The following APP variants were observed in gnomAD, a reference collection of about 807,000 sequenced individuals.
The protein encoded by APP is amyloid-beta precursor protein.
APP carries 31 observed loss-of-function variants against 101.4 expected under a neutral mutation model. That is an observed-to-expected ratio of 0.31 (90% CI 0.23 to 0.41). The LOEUF (loss-of-function observed/expected upper bound fraction) is 0.41. Among genes scored for constraint, APP ranks in the 10% least tolerant of loss-of-function variants. The pLI, the probability that APP is intolerant of heterozygous loss-of-function variation, is 1.00. For synonymous variants in APP, 366 were observed against 364.4 expected (o/e 1.00, Z -0.05); for missense variants, 839 against 1,003.7 (o/e 0.84, Z 2.22).
chr21:26,071,649 G>T (rs1216149409), intron 3 of APP, among the ~76,000 whole-genome samples: 2 of 152,270 alleles, frequency 1.3e-5, no homozygotes, highest in Non-Finnish European at 1.5e-5. Flanking sequence ...TTACAGTTAG[G>T]ATCTGCTGTG....
chr21:26,122,782 T>C (rs551994049), intron 1 of APP, among the ~76,000 whole-genome samples: 7 of 151,658 alleles, frequency 4.6e-5, no homozygotes, highest in Non-Finnish European at 1.0e-4. Context: ...AAATTTTTTA[T>C]TTTATTAAAA....
intron 11 of APP, among the ~76,000 whole-genome samples, chr21:25,966,259 C>G (rs1027963136): frequency 6.6e-6 from 1 of 152,202 alleles, no homozygotes; most frequent in Admixed American, 6.5e-5. Flanking sequence ...ATTTTGTTCA[C>G]TAAATGCTAA....
intron 1 of APP, among the ~76,000 whole-genome samples, chr21:26,167,664 T>G (rs898133810): frequency 8.5e-5 from 13 of 152,228 alleles, no homozygotes; most frequent in Non-Finnish European, 1.3e-4. Flanking sequence ...AAACCAATAT[T>G]GTTGATCACG....
intron 1 of APP, chr21:26,140,544 C>T: frequency 3.4e-6 from 1 of 297,752 alleles, no homozygotes; most frequent in Admixed American, 4.9e-5. Context: ...GAAGGAACTG[C>T]TGGCCCAAAT....
intron 16 of APP, among the ~76,000 whole-genome samples, chr21:25,892,842 C>G (rs2146242608): frequency 6.6e-6 from 1 of 152,092 alleles, no homozygotes; most frequent in Middle Eastern, 3.4e-3. Flanking sequence ...TGATCTTATG[C>G]CAGATGAAGT....
At chr21:26,073,493 T>C (rs1008964435) in intron 3 of APP, among the ~76,000 whole-genome samples, 1 of 151,880 alleles carries the variant, frequency 6.6e-6, no homozygotes, top group Non-Finnish European at 1.5e-5. Flanking sequence ...CAGGTGACTG[T>C]GGAGGGAACT....
At chr21:26,148,090 T>C (rs750552717) in intron 1 of APP, among the ~76,000 whole-genome samples, 5 of 152,120 alleles carry the variant, frequency 3.3e-5, no homozygotes, top group Non-Finnish European at 5.9e-5. Flanking sequence ...GGATATTGAT[T>C]CTCCCTGAGG....
At chr21:26,158,998 A>G (rs995602418) in intron 1 of APP, among the ~76,000 whole-genome samples, 2 of 152,236 alleles carry the variant, frequency 1.3e-5, no homozygotes, top group African/African-American at 4.8e-5. Flanking sequence ...ATCTCCTGTC[A>G]TAACTGAAAC....
intron 1 of APP, among the ~76,000 whole-genome samples, chr21:26,153,208 C>T (rs2063313602): frequency 6.6e-6 from 1 of 152,126 alleles, no homozygotes; most frequent in Non-Finnish European, 1.5e-5. Context: ...AGGTACCCTA[C>T]TTAAGTGCAC....
At chr21:26,134,386 C>T (rs952410264) in intron 1 of APP, among the ~76,000 whole-genome samples, 2 of 152,218 alleles carry the variant, frequency 1.3e-5, no homozygotes, top group Non-Finnish European at 2.9e-5. Context: ...TACCATTCCC[C>T]AGACCCCTTA....
intron 11 of APP, among the ~76,000 whole-genome samples, chr21:25,964,664 C>A (rs1405140718): frequency 7.2e-6 from 1 of 139,610 alleles, no homozygotes. Flanking sequence ...GGCTGGAGTA[C>A]AATGGGGTGA....
chr21:26,029,394 T>C (rs1163744508), intron 5 of APP, among the ~76,000 whole-genome samples: 1 of 152,144 alleles, frequency 6.6e-6, no homozygotes, highest in Non-Finnish European at 1.5e-5. Flanking sequence ...TCAGCACCTG[T>C]ATAAATGCAA....
chr21:25,886,980 G>A (rs182760399), intron 17 of APP, among the ~76,000 whole-genome samples: 13 of 151,706 alleles, frequency 8.6e-5, no homozygotes, highest in African/African-American at 2.4e-4. Flanking sequence ...CTCCATAAAA[G>A]CCAAATAAAA....
At position 26,151,319 on chromosome 21, in the gene APP, A is replaced by G. The variant is rs187763723; in HGVS notation, c.57+19245T>C. Among the ~76,000 whole-genome samples the G allele has an allele frequency of 2.0e-5, 3 of 152,302 alleles. No individual in the cohort carries two copies. In the East Asian group the frequency reaches 5.8e-4, roughly 29 times the overall value. On this transcript the variant is annotated intron_variant, in intron 1 of 17. Coordinates refer to ENST00000346798, the MANE Select transcript of APP (RefSeq NM_000484.4). ...TGAAATCACAATTTCACTAATATCT[A>G]CATTCCAGCTCCAGCTACATTTGCC...
intron 5 of APP, among the ~76,000 whole-genome samples, chr21:26,042,541 C>T (rs1394824692): frequency 6.6e-6 from 1 of 152,190 alleles, no homozygotes; most frequent in Non-Finnish European, 1.5e-5. Context: ...AGATGTAGCA[C>T]TGTGCCACCT....
At chr21:26,141,357 A>C (rs1179275158) in intron 1 of APP, among the ~76,000 whole-genome samples, 2 of 152,230 alleles carry the variant, frequency 1.3e-5, no homozygotes, top group African/African-American at 4.8e-5. Flanking sequence ...CAGTTTGGGC[A>C]CAGTCTTATT....
chr21:25,992,336 C>T (rs140001574), intron 8 of APP, among the ~76,000 whole-genome samples: 2,841 of 150,832 alleles, frequency 0.019, 87 homozygotes, highest in African/African-American at 0.064. Flanking sequence ...TGCAGTGAGC[C>T]GAGATCACGC....
chr21:25,937,940 T>C (rs985903400), intron 13 of APP: 1 of 152,048 alleles, frequency 6.6e-6, no homozygotes, highest in Non-Finnish European at 1.5e-5. Context: ...CAGCTTATTA[T>C]TTTTTTGACT....
At position 25,906,743 on chromosome 21, in the gene APP, A is replaced by C. The variant is rs2038811241; in HGVS notation, c.1910-1666T>G. ...GTAAAATGCAGTTAGTTGAAAGGTCATTGTACTTTGTGAGAATTTCCTGAT... is the reference window on the plus strand; with the variant it reads ...GTAAAATGCAGTTAGTTGAAAGGTCCTTGTACTTTGTGAGAATTTCCTGAT... On this transcript the variant is annotated intron_variant, in intron 14 of 17. Coordinates refer to ENST00000346798, the MANE Select transcript of APP (RefSeq NM_000484.4). Among the ~76,000 whole-genome samples, 6 of 152,188 alleles carry C rather than the reference A, an allele frequency of 3.9e-5. No homozygotes were observed. The South Asian group carries it at 1.2e-3, about 31-fold the overall frequency.
Sources: allele counts gnomAD v4.1 joint callset (sites outside exome capture counted in the v4.1 genomes callset), GRCh38; gene constraint gnomAD v4.1.1; transcripts MANE v1.5; gene names NCBI Gene and HGNC (gene_info 2026-07-23, HGNC 2026-07-21).